The following BTBD8 variants were observed in gnomAD, a reference collection of about 807,000 sequenced individuals.
BTBD8 encodes the protein BTB/POZ domain-containing protein 8.
A neutral mutation model predicts 162.9 loss-of-function variants in BTBD8; 110 were observed. That is an observed-to-expected ratio of 0.68 (90% CI 0.58 to 0.79). BTBD8 has a LOEUF of 0.79. Among genes scored for constraint, BTBD8 ranks in the 30% least tolerant of loss-of-function variants. The pLI is 0.00. For synonymous variants in BTBD8, 667 were observed against 716.1 expected (o/e 0.93, Z 1.10); for missense variants, 1,905 against 2,085.4 (o/e 0.91, Z 1.68).
At chr1:92,125,882 C>T in intron 4 of BTBD8, 1 of 420,358 alleles carries the variant, frequency 2.4e-6, no homozygotes, top group Non-Finnish European at 4.8e-6. Context: ...ATGTCTGTGT[C>T]AATGATGAAT....
intron 11 of BTBD8, among the ~76,000 whole-genome samples, chr1:92,168,264 C>A (rs1258875159): frequency 6.6e-6 from 1 of 151,974 alleles, no homozygotes; most frequent in Non-Finnish European, 1.5e-5. Flanking sequence ...TTATTTGGCA[C>A]AGCATAACTC....
At chr1:92,154,069 A>G (rs2100647718) in intron 9 of BTBD8, among the ~76,000 whole-genome samples, 1 of 151,998 alleles carries the variant, frequency 6.6e-6, no homozygotes, top group South Asian at 2.1e-4. Context: ...GGAGCCTGGA[A>G]TCTCCCCACT....
At position 92,182,395 on chromosome 1, in the gene BTBD8, A is replaced by T; in HGVS notation, c.4712A>T (p.Lys1571Ile). ...NVENDIQQRSKFLDSDVKSQE... is the reference protein window; with the variant it reads ...NVENDIQQRSIFLDSDVKSQE... ...GAAAATGACATTCAGCAACGCAGCA[A>T]ATTCTTGGATAGTGATGTAAAATCT... is the stretch of plus-strand genomic sequence containing the variant. The change falls in exon 17 of 18, where the codon AAA becomes ATA. Residue 1571 changes from lysine to isoleucine, a missense_variant. Physicochemically the swap from Lys to Ile is moderately radical, Grantham distance 102. Coordinates refer to ENST00000636805, the MANE Select transcript of BTBD8 (RefSeq NM_001376131.1). 1 of 1,549,714 alleles carries T rather than the reference A, an allele frequency of 6.5e-7. No individual in the cohort carries two copies. Among genetic ancestry groups the T allele is most frequent in the Non-Finnish European group, 8.7e-7 (1 of 1,146,478 alleles).
At chr1:92,143,085 A>G (rs1022534639) in intron 7 of BTBD8, among the ~76,000 whole-genome samples, 4 of 152,206 alleles carry the variant, frequency 2.6e-5, no homozygotes, top group East Asian at 3.8e-4. Flanking sequence ...TTCAATAACA[A>G]TAGTATCCAG....
intron 4 of BTBD8, among the ~76,000 whole-genome samples, chr1:92,112,199 A>G (rs1333074706): frequency 6.6e-6 from 1 of 152,046 alleles, no homozygotes; most frequent in East Asian, 1.9e-4. Flanking sequence ...CACTTGAACC[A>G]GGGAGTTTGA....
At chr1:92,179,439 C>T (rs1650821684) in intron 16 of BTBD8, among the ~76,000 whole-genome samples, 1 of 152,038 alleles carries the variant, frequency 6.6e-6, no homozygotes, top group Non-Finnish European at 1.5e-5. Context: ...TTTTATGTAT[C>T]AAGCATTAAC....
intron 4 of BTBD8, chr1:92,125,906 T>G: frequency 2.3e-6 from 1 of 434,080 alleles, no homozygotes; most frequent in Admixed American, 2.7e-5. Context: ...CAACCAGTGT[T>G]GAAGAAGGAG....
At chr1:92,159,959 C>A (rs1650244827) in intron 9 of BTBD8, among the ~76,000 whole-genome samples, 1 of 152,072 alleles carries the variant, frequency 6.6e-6, no homozygotes, top group South Asian at 2.1e-4. Context: ...AGTTTTCGGC[C>A]ATTATTTCTT....
At chr1:92,183,774 T>TTTAAA in intron 17 of BTBD8, 90 bp from the exon 18 acceptor site, 2 of 513,382 alleles carry the variant, frequency 3.9e-6, no homozygotes, top group Non-Finnish European at 6.1e-6. Context: ...TTTTTTTGAC[T>TTTAAA]ATCACTGTTA....
intron 12 of BTBD8, among the ~76,000 whole-genome samples, chr1:92,169,756 A>G (rs1650485271): frequency 6.6e-6 from 1 of 152,198 alleles, no homozygotes; most frequent in East Asian, 1.9e-4. Context: ...CATGGAAGCC[A>G]TGTCTGTTAA....
At chr1:92,141,353 A>G (rs1649772706) in intron 7 of BTBD8, 142 bp downstream of exon 7, 6 of 920,808 alleles carry the variant, frequency 6.5e-6, no homozygotes, top group South Asian at 5.7e-5. Flanking sequence ...CAGTTGAGAA[A>G]TAATTCATAT....
chr1:92,141,241 C>T (rs1649770375), intron 7 of BTBD8, 30 bp downstream of exon 7: 3 of 1,560,098 alleles, frequency 1.9e-6, no homozygotes, highest in African/African-American at 1.4e-5. Context: ...AATCTTTTAT[C>T]CAGTGCATTG....
At chr1:92,086,503 T>C (rs907342581) in intron 1 of BTBD8, among the ~76,000 whole-genome samples, 1 of 152,080 alleles carries the variant, frequency 6.6e-6, no homozygotes, top group Non-Finnish European at 1.5e-5. Flanking sequence ...TGGTGATGCA[T>C]GCCTGTGGTC....
At chr1:92,115,315 T>A (rs775986836) in intron 4 of BTBD8, 3 of 454,670 alleles carry the variant, frequency 6.6e-6, no homozygotes, top group Non-Finnish European at 1.3e-5. Flanking sequence ...AGAGTTGTTA[T>A]GGATGATCTT....
At chr1:92,129,075 G>A (rs1199005223) in intron 4 of BTBD8, among the ~76,000 whole-genome samples, 1 of 151,796 alleles carries the variant, frequency 6.6e-6, no homozygotes. Flanking sequence ...ATTAGGGTTT[G>A]CTGATCAGTA....
chr1:92,139,619 C>A, intron 6 of BTBD8, 189 bp downstream of exon 6: 1 of 1,163,940 alleles, frequency 8.6e-7, no homozygotes, highest in African/African-American at 1.6e-5. Context: ...GGTGACTTAT[C>A]AACTCACAGT....
At chr1:92,090,879 C>T (rs1206648972) in intron 2 of BTBD8, among the ~76,000 whole-genome samples, 1 of 152,168 alleles carries the variant, frequency 6.6e-6, no homozygotes, top group Non-Finnish European at 1.5e-5. Flanking sequence ...TTGCAGTGAG[C>T]TGAGATTGTG....
At chr1:92,177,642 T>G (rs1317204167) in intron 14 of BTBD8, 96 bp downstream of exon 14, 2 of 907,998 alleles carry the variant, frequency 2.2e-6, no homozygotes, top group Non-Finnish European at 3.3e-6. Context: ...TTATTTAGTT[T>G]CAGATGCCAA....
At chr1:92,136,170 A>G (rs1329475534) in intron 5 of BTBD8, among the ~76,000 whole-genome samples, 2 of 152,172 alleles carry the variant, frequency 1.3e-5, no homozygotes, top group East Asian at 3.8e-4. Context: ...TGTATTTTCA[A>G]TTTAGTCTCC....
Sources: gnomAD v4.1 joint callset for allele counts (sites outside exome capture counted in the v4.1 genomes callset) on GRCh38, gnomAD v4.1.1 for gene constraint, MANE v1.5 for transcripts, NCBI Gene and HGNC (gene_info 2026-07-23, HGNC 2026-07-21) for gene names.